RSF1: variants seen among roughly 807,000 people sequenced by gnomAD.
RSF1 encodes the protein remodeling and spacing factor 1, also known as HBV pX-associated protein 8.
A neutral mutation model predicts 145.2 loss-of-function variants in RSF1; 13 were observed. The ratio of observed to expected loss-of-function variants is 0.09; its 90% CI spans 0.06 to 0.14. The LOEUF is 0.14. Ranked by LOEUF, RSF1 falls within the 10% of genes least tolerant of loss-of-function variation. The pLI is 1.00. For missense variants in RSF1, 1,517 were observed against 1,718.2 expected, an observed-to-expected ratio of 0.88 and a Z score of 2.07; for synonymous variants, 577 against 592.6, an observed-to-expected ratio of 0.97 and a Z score of 0.38.
intron 1 of RSF1, among the ~76,000 whole-genome samples, chr11:77,787,224 C>G (rs182438202): frequency 1.3e-5 from 2 of 152,126 alleles, no homozygotes; most frequent in African/African-American, 2.4e-5. Context: ...GGCCTGCCCC[C>G]CAACAGCAAG....
intron 1 of RSF1, among the ~76,000 whole-genome samples, chr11:77,792,093 G>C (rs1948523302): frequency 6.6e-6 from 1 of 152,166 alleles, no homozygotes; most frequent in South Asian, 2.1e-4. Context: ...CACATGGCTG[G>C]GGAGGCTTCA....
At chr11:77,790,692 G>A (rs752815219) in intron 1 of RSF1, among the ~76,000 whole-genome samples, 2 of 152,198 alleles carry the variant, frequency 1.3e-5, no homozygotes, top group Non-Finnish European at 2.9e-5. Context: ...CCAAATGGGA[G>A]ACACTGACCA....
chr11:77,781,831 C>T (rs1948407755), intron 1 of RSF1, among the ~76,000 whole-genome samples: 1 of 152,048 alleles, frequency 6.6e-6, no homozygotes, highest in Non-Finnish European at 1.5e-5. Flanking sequence ...TCAGTTTTTG[C>T]TTCATGTGTT....
intron 4 of RSF1, among the ~76,000 whole-genome samples, chr11:77,732,636 CT>C (rs1207502264): frequency 6.6e-6 from 1 of 152,130 alleles, no homozygotes; most frequent in Non-Finnish European, 1.5e-5. Flanking sequence ...GTGAATGAGT[CT>C]CACGAGATCT....
intron 5 of RSF1, among the ~76,000 whole-genome samples, chr11:77,713,405 A>G (rs1428632813): frequency 5.3e-5 from 8 of 151,886 alleles, no homozygotes; most frequent in Non-Finnish European, 1.0e-4. Flanking sequence ...CTGATGTCAA[A>G]AAGAGTGAAG....
intron 5 of RSF1, among the ~76,000 whole-genome samples, chr11:77,709,099 G>A (rs1277212112): frequency 1.3e-5 from 2 of 152,084 alleles, no homozygotes; most frequent in African/African-American, 4.8e-5. Context: ...CCACCTCAGG[G>A]TCCTGACTGT....
At chr11:77,728,591 AAAGGG>A (rs567178582) in intron 4 of RSF1, among the ~76,000 whole-genome samples, 36 of 151,640 alleles carry the variant, frequency 2.4e-4, no homozygotes, top group African/African-American at 3.4e-4. Flanking sequence ...AGGGAAGGAA[AAAGGG>A]AAGGGAAGGG....
At chr11:77,733,018 A>AT (rs1287226624) in intron 4 of RSF1, among the ~76,000 whole-genome samples, 6 of 152,338 alleles carry the variant, frequency 3.9e-5, no homozygotes, top group African/African-American at 1.4e-4. Context: ...AATGTTAAGA[A>AT]TAAAGATGCT....
At chr11:77,767,186 A>T (rs1948235202) in intron 1 of RSF1, among the ~76,000 whole-genome samples, 1 of 152,156 alleles carries the variant, frequency 6.6e-6, no homozygotes, top group Non-Finnish European at 1.5e-5. Context: ...AAATACTTTT[A>T]TTTCTCTTCT....
At position 77,680,195 on chromosome 11, in the gene RSF1, G is replaced by A. The variant is rs544042165; in HGVS notation, c.3066-2042C>T. The stretch of plus-strand genomic sequence containing the variant: ...GTGCAGTGGCTCAGCACTCTTGGGA[G>A]GCTGAGGCAGGAGTATAACTTGAGC... On this transcript the variant is annotated intron_variant, in intron 11 of 15. Transcript: ENST00000308488. Among the ~76,000 whole-genome samples, 3 of 152,272 alleles carry A rather than the reference G, an allele frequency of 2.0e-5. No individual in the cohort carries two copies. In the East Asian group the frequency reaches 5.8e-4, roughly 29 times the overall value.
chr11:77,664,538 C>A lies in RSF1; in HGVS notation c.*2379G>T, dbSNP rs1231370654. On this transcript the variant is annotated 3_prime_UTR_variant, in exon 16 of 16. Transcript: ENST00000308488. ...ACCCATTTAATACTACTTCTGATCA[C>A]TTGGCTTAACTGAGGAATAGAATAG... 6.6e-6 allele frequency: 1 copy of A among 152,168 alleles called. No individual in the cohort carries two copies. The highest frequency in any genetic ancestry group is 1.5e-5 in the Non-Finnish European group (1 of 68,026). The allele number at this position is 152,168 out of a possible 1,614,324, so 9.4% of individuals were successfully genotyped here. A position where few individuals can be genotyped will look rare whatever the true frequency, so the allele number is the denominator to read the frequency against.
chr11:77,664,815 G>A lies in RSF1; in HGVS notation c.*2102C>T, dbSNP rs1959321734. 1 of 152,202 alleles carries A rather than the reference G, an allele frequency of 6.6e-6. No homozygotes were observed. The highest frequency in any genetic ancestry group is 6.5e-5 in the Admixed American group (1 of 15,278). 9.4% of individuals were successfully genotyped at this position (152,202 alleles called of 1,614,324 possible). A position where few individuals can be genotyped will look rare whatever the true frequency, so the allele number is the denominator to read the frequency against. On this transcript the variant is annotated 3_prime_UTR_variant, in exon 16 of 16. Transcript: ENST00000308488. ...ATAAAACAAACCTAGCTGGAAAGGA[G>A]ACTGTTAAGTAAATGTAGCTCCTTA...
At chr11:77,815,309 T>C (rs1345064938) in intron 1 of RSF1, among the ~76,000 whole-genome samples, 2 of 152,214 alleles carry the variant, frequency 1.3e-5, no homozygotes, top group African/African-American at 4.8e-5. Context: ...TAATTGCCCA[T>C]ATAATTAAAT....
the RSF1 span, among the ~76,000 whole-genome samples, chr11:77,834,033 T>C: frequency 6.6e-6 from 1 of 152,250 alleles, no homozygotes; most frequent in African/African-American, 2.4e-5. Flanking sequence ...TACCACCATA[T>C]ATTAAGTAAA....
At position 77,678,506 on chromosome 11, in the gene RSF1, C is replaced by T. The variant is rs576927790; in HGVS notation, c.3066-353G>A. Among the ~76,000 whole-genome samples, 33 of 152,310 alleles carry T rather than the reference C, an allele frequency of 2.2e-4. No homozygotes were observed. In the East Asian group the frequency reaches 6.2e-3, roughly 28 times the overall value. Reference sequence around the variant, plus strand: ...GGGATTACAGGCGTGAGCCACCGCACCCAGCTGTCCTTTTATTTTTAAAGA... The same window carrying T: ...GGGATTACAGGCGTGAGCCACCGCATCCAGCTGTCCTTTTATTTTTAAAGA... On this transcript the variant is annotated intron_variant, in intron 11 of 15. Transcript: ENST00000308488.
intron 1 of RSF1, among the ~76,000 whole-genome samples, chr11:77,799,504 C>CAA (rs34602419): frequency 0.02 from 1,646 of 82,216 alleles, 34 homozygotes; most frequent in African/African-American, 0.055. Flanking sequence ...ACCCTGTCTC[C>CAA]AAAAAAAAAA....
upstream of RSF1, among the ~76,000 whole-genome samples, chr11:77,822,989 G>T (rs1309075985): frequency 6.6e-6 from 1 of 152,076 alleles, no homozygotes; most frequent in Non-Finnish European, 1.5e-5. Flanking sequence ...GTCGAGACGG[G>T]CGGGTCACGA....
At chr11:77,675,410 G>A (rs1810328386) in intron 13 of RSF1, among the ~76,000 whole-genome samples, 154 bp from the exon 14 acceptor site, 1 of 152,142 alleles carries the variant, frequency 6.6e-6, no homozygotes, top group South Asian at 2.1e-4. Flanking sequence ...TTATAAAATG[G>A]GGAAAATGTT....
chr11:77,693,475 A>G, intron 8 of RSF1, 32 bp downstream of exon 8: 2 of 1,379,924 alleles, frequency 1.4e-6, no homozygotes, highest in African/African-American at 2.8e-5. Flanking sequence ...TACAAACTCA[A>G]AGACTAGAAA....
Sources: gnomAD v4.1 joint callset for allele counts (sites outside exome capture counted in the v4.1 genomes callset) on GRCh38, gnomAD v4.1.1 for gene constraint, MANE v1.5 for transcripts, NCBI Gene and HGNC (gene_info 2026-07-23, HGNC 2026-07-21) for gene names.